The following LARGE1 variants were observed in gnomAD, a reference collection of about 807,000 sequenced individuals.
The protein encoded by LARGE1 is xylosyl- and glucuronyltransferase LARGE1.
In LARGE1, 43 loss-of-function variants were observed where a neutral mutation model predicts 87.6. That is an observed-to-expected ratio of 0.49 (90% CI 0.38 to 0.63). The LOEUF (loss-of-function observed/expected upper bound fraction) is 0.63. Ranked by LOEUF, LARGE1 falls within the 30% of genes least tolerant of loss-of-function variation. LARGE1 has a pLI of 0.00. For synonymous variants in LARGE1, 434 were observed against 394.6 expected, an observed-to-expected ratio of 1.10 and a Z score of -1.18; for missense variants, 802 against 1,000.2, an observed-to-expected ratio of 0.80 and a Z score of 2.67.
intron 6 of LARGE1, among the ~76,000 whole-genome samples, chr22:33,493,391 C>T (rs2069951382): frequency 6.6e-6 from 1 of 151,998 alleles, no homozygotes; most frequent in African/African-American, 2.4e-5. Context: ...GAACTCCTGA[C>T]CTCAGGTGAT....
chr22:33,443,178 T>C (rs973343912), intron 6 of LARGE1, among the ~76,000 whole-genome samples: 1 of 152,114 alleles, frequency 6.6e-6, no homozygotes, highest in African/African-American at 2.4e-5. Context: ...AGAAGGGAAA[T>C]TGAGGTTTAG....
At chr22:33,777,956 G>A (rs2085301329) in intron 1 of LARGE1, among the ~76,000 whole-genome samples, 1 of 152,192 alleles carries the variant, frequency 6.6e-6, no homozygotes, top group African/African-American at 2.4e-5. Context: ...TGTAGCTGCA[G>A]GGGATAAACC....
chr22:33,674,572 C>T (rs2081508776), intron 2 of LARGE1, among the ~76,000 whole-genome samples: 1 of 152,148 alleles, frequency 6.6e-6, no homozygotes, highest in Non-Finnish European at 1.5e-5. Flanking sequence ...CCCAGCATGG[C>T]ACTCCCACTC....
chr22:33,383,346 G>C (rs1478554557), intron 8 of LARGE1, among the ~76,000 whole-genome samples: 2 of 151,996 alleles, frequency 1.3e-5, no homozygotes, highest in Non-Finnish European at 2.9e-5. Flanking sequence ...GATCATCTGA[G>C]GTCAGGAGTT....
At chr22:33,660,486 T>C (rs1015506737) in intron 2 of LARGE1, among the ~76,000 whole-genome samples, 1 of 152,194 alleles carries the variant, frequency 6.6e-6, no homozygotes, top group Non-Finnish European at 1.5e-5. Flanking sequence ...TAAATTCACA[T>C]TCCAGTCATC....
chr22:33,683,171 A>C (rs901678626), intron 2 of LARGE1, among the ~76,000 whole-genome samples: 1 of 152,234 alleles, frequency 6.6e-6, no homozygotes, highest in Non-Finnish European at 1.5e-5. Flanking sequence ...TGTGCCTGTG[A>C]GAGTATTTCT....
At chr22:33,341,253 A>G (rs780413790) in intron 9 of LARGE1, among the ~76,000 whole-genome samples, 3 of 152,036 alleles carry the variant, frequency 2.0e-5, no homozygotes, top group Middle Eastern at 3.2e-3. Flanking sequence ...CTGACTATGA[A>G]CCGAAAGGCA....
At chr22:33,305,995 C>A (rs571081668) in intron 11 of LARGE1, among the ~76,000 whole-genome samples, 1 of 152,046 alleles carries the variant, frequency 6.6e-6, no homozygotes, top group South Asian at 2.1e-4. Context: ...CCCGCTACCA[C>A]GCCCGGCTAA....
chr22:33,626,131 T>C, intron 4 of LARGE1, 113 bp downstream of exon 4: 1 of 852,776 alleles, frequency 1.2e-6, no homozygotes, highest in Non-Finnish European at 2.0e-6. Flanking sequence ...TACATTTTTA[T>C]GGCAGCTAGA....
intron 2 of LARGE1, among the ~76,000 whole-genome samples, chr22:33,747,104 T>C (rs2084116361): frequency 6.6e-6 from 1 of 152,202 alleles, no homozygotes; most frequent in East Asian, 1.9e-4. Context: ...ACCAGAGATC[T>C]AGGTGACCTC....
chr22:33,839,405 CTG>C (rs200161564), intron 1 of LARGE1, among the ~76,000 whole-genome samples: 2,411 of 152,358 alleles, frequency 0.016, 30 homozygotes, highest in Middle Eastern at 0.031. Flanking sequence ...ATCTCCAACA[CTG>C]TGGATTTCAC....
chr22:33,332,105 G>A (rs1937793269), intron 10 of LARGE1, among the ~76,000 whole-genome samples: 1 of 152,100 alleles, frequency 6.6e-6, no homozygotes, highest in Non-Finnish European at 1.5e-5. Flanking sequence ...GCGACTACCT[G>A]AATTATCAGC....
chr22:33,596,097 A>T (rs1289410675), intron 5 of LARGE1, among the ~76,000 whole-genome samples: 1 of 152,228 alleles, frequency 6.6e-6, no homozygotes, highest in Non-Finnish European at 1.5e-5. Flanking sequence ...ATGCTAGATG[A>T]CTGCCAAGTT....
chr22:33,797,096 T>C (rs912322238), intron 1 of LARGE1, among the ~76,000 whole-genome samples: 10 of 151,994 alleles, frequency 6.6e-5, no homozygotes. Flanking sequence ...ATCTCCAAAG[T>C]TGTTAATTAA....
At chr22:33,194,538 T>C (rs1923965614) in intron 11 of LARGE1, among the ~76,000 whole-genome samples, 1 of 152,236 alleles carries the variant, frequency 6.6e-6, no homozygotes, top group Non-Finnish European at 1.5e-5. Flanking sequence ...GTCTGGGTTA[T>C]ATGAAATATT....
the LARGE1 span, among the ~76,000 whole-genome samples, chr22:33,129,486 G>T: frequency 7.3e-4 from 111 of 152,174 alleles, 2 homozygotes; most frequent in East Asian, 0.018. Context: ...CTGTATTAGA[G>T]TAATGTAAAG....
chr22:33,475,424 ATATTTATTTATTTATTT>A (rs2069030810), intron 6 of LARGE1, among the ~76,000 whole-genome samples: 1 of 135,260 alleles, frequency 7.4e-6, no homozygotes, highest in Non-Finnish European at 1.6e-5. Flanking sequence ...TCAGTGAGTC[ATATTTATTTATTTATTT>A]ATTTATTTAT....
the LARGE1 span, among the ~76,000 whole-genome samples, chr22:33,101,615 GTAT>G: frequency 6.6e-6 from 1 of 152,194 alleles, no homozygotes; most frequent in Non-Finnish European, 1.5e-5. Context: ...GAGATTCTAA[GTAT>G]TGTGTTTAAT....
rs528191097 is a variant in LARGE1 at position 33,435,591 on chromosome 22, A to G, written c.788-3326T>C. 2.6e-5 allele frequency among the ~76,000 whole-genome samples: 4 copies of G among 152,214 alleles called. No homozygotes were observed. The East Asian group carries it at 7.7e-4, about 29-fold the overall frequency. Reference sequence around the variant, plus strand: ...ACAGACCTTCCACCCAGCTCTGGGAACTCAGGCACCCGCTCCCCTGTATGG... The same window carrying G: ...ACAGACCTTCCACCCAGCTCTGGGAGCTCAGGCACCCGCTCCCCTGTATGG... On this transcript the variant is annotated intron_variant, in intron 6 of 14. Transcript: ENST00000397394.
Sources: gnomAD v4.1 joint callset for allele counts (sites outside exome capture counted in the v4.1 genomes callset) on GRCh38, gnomAD v4.1.1 for gene constraint, MANE v1.5 for transcripts, NCBI Gene and HGNC (gene_info 2026-07-23, HGNC 2026-07-21) for gene names.